PDZD4: variants seen among roughly 807,000 people sequenced by gnomAD.
PDZD4 encodes the protein PDZ domain containing 4.
In PDZD4, 9 loss-of-function variants were observed where a neutral mutation model predicts 38.5. The observed-to-expected ratio is 0.23, with a 90% confidence interval of 0.14 to 0.41. The LOEUF (loss-of-function observed/expected upper bound fraction) is 0.41. Among genes scored for constraint, PDZD4 ranks in the 10% least tolerant of loss-of-function variants. PDZD4 has a pLI of 1.00. For missense variants in PDZD4, 612 were observed against 722.0 expected (o/e 0.85, Z 1.75); for synonymous variants, 349 against 315.7 (o/e 1.11, Z -1.12).
chrX:153,808,168 T>C, intron 2 of PDZD4, 174 bp downstream of exon 2: 1 of 1,074,495 alleles, frequency 9.3e-7, no homozygotes. Flanking sequence ...GGGCGCCTGC[T>C]GGAGCCCGGC....
At chrX:153,829,649 T>A (rs1483930399) in intron 1 of PDZD4, 2 of 708,414 alleles carry the variant, frequency 2.8e-6, no homozygotes, top group Non-Finnish European at 3.3e-6. Flanking sequence ...CGCGGGGCCC[T>A]GCTGGTCCAC....
intron 5 of PDZD4, among the ~76,000 whole-genome samples, 193 bp from the exon 6 acceptor site, chrX:153,805,799 G>A (rs1323570792): frequency 1.8e-5 from 2 of 112,405 alleles, no homozygotes; most frequent in Non-Finnish European, 3.8e-5. Flanking sequence ...TGTGTGCTCA[G>A]GAGAGCATGG....
chrX:153,803,072 G>A lies in PDZD4; in HGVS notation c.*281C>T. The stretch of plus-strand genomic sequence containing the variant: ...CGCAAGAGCATGGGGGATGGGGAAT[G>A]CACACGCACAGCTGAAGGGGTGCCC... On this transcript the variant is annotated 3_prime_UTR_variant, in exon 8 of 8. Transcript: ENST00000393758. 4.0e-6 allele frequency: 1 copy of A among 250,950 alleles called. No individual in the cohort carries two copies. The highest frequency in any genetic ancestry group is 2.4e-4 in the South Asian group (1 of 4,182). The allele number at this position is 250,950 out of a possible 1,213,427, so 20.7% of individuals were successfully genotyped here. A position where few individuals can be genotyped will look rare whatever the true frequency, so the allele number is the denominator to read the frequency against.
intron 2 of PDZD4, 63 bp downstream of exon 2, chrX:153,808,279 G>T: frequency 8.8e-7 from 1 of 1,138,359 alleles, no homozygotes; most frequent in South Asian, 2.1e-5. Flanking sequence ...CGTGCGGATG[G>T]CCGCTCCAGG....
At chrX:153,814,087 C>G (rs1557079298) in intron 1 of PDZD4, among the ~76,000 whole-genome samples, 1 of 111,043 alleles carries the variant, frequency 9.0e-6, no homozygotes, top group Non-Finnish European at 1.9e-5. Flanking sequence ...GTCTCGAACT[C>G]CTGGGCTCAA....
In PDZD4 at chrX:153,808,584, C is replaced by T; in HGVS notation, c.72G>A (p.Lys24=). The T allele has an allele frequency of 8.6e-7, 1 of 1,168,189 alleles. No homozygotes were observed. The highest frequency in any genetic ancestry group is 1.1e-6 in the Non-Finnish European group (1 of 873,497). The change falls in exon 2 of 8, where the codon AAG becomes AAA. Residue 24 remains lysine, a synonymous_variant. Transcript: ENST00000393758. ...GCTCCTGAGACAGCTTGGAGAGCTC[C>T]TTCCCGTTCACCTGCGGCAGAGACA... is the stretch of plus-strand genomic sequence containing the variant. ...QYKVMLQVNG[K]ELSKLSQEQT...
intron 1 of PDZD4, among the ~76,000 whole-genome samples, chrX:153,825,943 C>T (rs1038083231): frequency 2.7e-5 from 3 of 112,005 alleles, no homozygotes; most frequent in African/African-American, 6.5e-5. Context: ...GGGCCAGGAA[C>T]GGTGGTTTAC....
At chrX:153,830,050 A>C in intron 1 of PDZD4, 189 bp downstream of exon 1, 2 of 542,576 alleles carry the variant, frequency 3.7e-6, no homozygotes, top group Non-Finnish European at 5.1e-6. Context: ...CCAACTTCCC[A>C]CCCCACCCGT....
chrX:153,818,828 C>A (rs782255232), intron 1 of PDZD4, among the ~76,000 whole-genome samples: 3 of 109,509 alleles, frequency 2.7e-5, no homozygotes. Context: ...ATTCGCAAGG[C>A]CAGGGAAAGT....
In PDZD4 at chrX:153,803,826, C is replaced by T. The variant is rs782201548; in HGVS notation, c.1855G>A (p.Ala619Thr). The T allele has an allele frequency of 2.5e-6, 3 of 1,194,518 alleles. No homozygotes were observed. In the South Asian group the frequency reaches 5.4e-5, roughly 22 times the overall value. ...LAGGPRVGGV[A>T]AAATEAPRME... Reference sequence around the variant, plus strand: ...CGCGGTGCTTCAGTGGCCGCGGCCGCCACCCCGCCCACCCGAGGGCCACCG... The same window carrying T: ...CGCGGTGCTTCAGTGGCCGCGGCCGTCACCCCGCCCACCCGAGGGCCACCG... The change falls in exon 8 of 8, where the codon GCG (alanine) becomes ACG (threonine). Residue 619 changes from alanine (A) to threonine (T), a missense_variant. Around this residue, in one of 3 missense-constraint regions of PDZD4, gnomAD observed 300 missense variants for 284.6 expected, o/e 1.05. Transcript: ENST00000393758.
chrX:153,814,882 C>G (rs781903027), intron 1 of PDZD4, among the ~76,000 whole-genome samples: 5 of 112,067 alleles, frequency 4.5e-5, no homozygotes, highest in Non-Finnish European at 7.5e-5. Context: ...GCCAAGCAAA[C>G]CCTCAAAGCC....
intron 1 of PDZD4, among the ~76,000 whole-genome samples, chrX:153,816,977 G>C (rs782780410): frequency 9.0e-6 from 1 of 110,865 alleles, no homozygotes; most frequent in East Asian, 2.8e-4. Context: ...AGAAGACATC[G>C]AATAAGCGCA....
intron 1 of PDZD4, among the ~76,000 whole-genome samples, chrX:153,816,853 G>C (rs1418931407): frequency 1.8e-5 from 2 of 111,943 alleles, no homozygotes; most frequent in Non-Finnish European, 3.8e-5. Flanking sequence ...ATGGTGGCAT[G>C]ACCCCAGGGG....
At chrX:153,817,832 G>A (rs1227374470) in intron 1 of PDZD4, among the ~76,000 whole-genome samples, 2 of 112,224 alleles carry the variant, frequency 1.8e-5, no homozygotes, top group Non-Finnish European at 3.8e-5. Context: ...TGAACTTCCC[G>A]AGGCATGTGG....
chrX:153,829,828 G>A, intron 1 of PDZD4: 1 of 767,053 alleles, frequency 1.3e-6, no homozygotes. Flanking sequence ...GACTTGGACC[G>A]CGCCCGGGGA....
At chrX:153,808,027 G>A (rs1394174123) in intron 2 of PDZD4, 1 of 1,044,201 alleles carries the variant, frequency 9.6e-7, no homozygotes, top group African/African-American at 1.9e-5. Flanking sequence ...GAAGATTCAA[G>A]GAGTGATGCT....
intron 5 of PDZD4, 87 bp downstream of exon 5, chrX:153,805,984 G>A (rs1259022979): frequency 3.0e-6 from 3 of 997,926 alleles, no homozygotes; most frequent in African/African-American, 3.8e-5. Context: ...CTTAGTGGGA[G>A]AGAGCTAGGG....
In PDZD4 at chrX:153,826,877, C is replaced by T. The variant is rs781791907; in HGVS notation, c.60+3362G>A. Among the ~76,000 whole-genome samples, 4 of 112,085 alleles carry T rather than the reference C, an allele frequency of 3.6e-5. No homozygotes were observed. The East Asian group carries it at 1.1e-3, about 31-fold the overall frequency. On this transcript the variant is annotated intron_variant, in intron 1 of 7. Coordinates refer to ENST00000393758, the MANE Select transcript of PDZD4 (RefSeq NM_001303512.2). ...AAGACCTAAATAAATGGAAAACGCACCCCATGCTCATGAACAATACTACCC... is the reference window on the plus strand; with the variant it reads ...AAGACCTAAATAAATGGAAAACGCATCCCATGCTCATGAACAATACTACCC...
Position 153,804,213 on chromosome X carries a change from C to G in PDZD4, c.1468G>C (p.Val490Leu). 8.3e-7 allele frequency: 1 copy of G among 1,203,924 alleles called. No homozygotes were observed. The highest frequency in any genetic ancestry group is 1.1e-6 in the Non-Finnish European group (1 of 891,863). The change falls in exon 8 of 8, where the codon GTG (valine) becomes CTG (leucine). Residue 490 changes from valine (V) to leucine (L), a missense_variant. Physicochemically the swap from Val to Leu is conservative, Grantham distance 32. Around this residue, in one of 3 missense-constraint regions of PDZD4, gnomAD observed 300 missense variants for 284.6 expected, o/e 1.05. Coordinates refer to ENST00000393758, the MANE Select transcript of PDZD4 (RefSeq NM_001303512.2). The stretch of plus-strand genomic sequence containing the variant: ...AGGGGGCTCTCGGGCAGGGGCTCCA[C>G]AAGCAGCGGGGTGCTGCGGCAGCTC... ...GESCRSTPLL[V>L]EPLPESPLRR...
Sources: allele counts gnomAD v4.1 joint callset (sites outside exome capture counted in the v4.1 genomes callset), GRCh38; gene constraint gnomAD v4.1.1; regional missense constraint gnomAD v4.1.1; transcripts MANE v1.5; gene names NCBI Gene and HGNC (gene_info 2026-07-23, HGNC 2026-07-21).